The following PHLDB1 variants were observed in gnomAD, a reference collection of about 807,000 sequenced individuals.
PHLDB1 encodes the protein pleckstrin homology like domain family B member 1.
In PHLDB1, 65 loss-of-function variants were observed where a neutral mutation model predicts 139.3. That is an observed-to-expected ratio of 0.47 (90% CI 0.38 to 0.57). The LOEUF is 0.57. Among genes scored for constraint, PHLDB1 ranks in the 20% least tolerant of loss-of-function variants. The pLI, the probability that PHLDB1 is intolerant of heterozygous loss-of-function variation, is 0.00. For synonymous variants in PHLDB1, 679 were observed against 734.5 expected (o/e 0.92, Z 1.22); for missense variants, 1,624 against 1,839.7 (o/e 0.88, Z 2.14).
intron 12 of PHLDB1, 51 bp downstream of exon 12, chr11:118,639,302 G>C (rs534535378): frequency 2.2e-6 from 3 of 1,384,498 alleles, no homozygotes; most frequent in Non-Finnish European, 3.1e-6. Flanking sequence ...TGTCCTGGGA[G>C]GCTCTGAGTA....
chr11:118,633,350 C>G (rs1428912196), intron 9 of PHLDB1: 1 of 152,202 alleles, frequency 6.6e-6, no homozygotes, highest in Non-Finnish European at 1.5e-5. Context: ...GGGGGAAATG[C>G]TTGGCTGTGG....
Position 118,628,348 on chromosome 11 carries a change from C to T in PHLDB1, c.1525C>T (p.Leu509=). ...GASPEDFSLT[L]GARGRRTRSP... ...TTCACCAGAGGACTTCTCCCTGACG[C>T]TGGGGGCACGGGGCCGTAGGACACG... is the stretch of plus-strand genomic sequence containing the variant. The change falls in exon 6 of 23, where the codon CTG becomes TTG. Residue 509 remains leucine (L), a synonymous_variant. Transcript: ENST00000600882. The T allele has an allele frequency of 1.2e-6, 2 of 1,612,256 alleles. No homozygotes were observed. Among genetic ancestry groups the T allele is most frequent in the Non-Finnish European group, 1.7e-6 (2 of 1,179,252 alleles).
chr11:118,645,316 G>T lies in PHLDB1; in HGVS notation c.3122-40G>T. 2.7e-6 allele frequency: 4 copies of T among 1,475,446 alleles called. No homozygotes were observed. Among genetic ancestry groups the T allele is most frequent in the Non-Finnish European group, 2.7e-6 (3 of 1,103,808 alleles). The allele number at this position is 1,475,446 out of a possible 1,614,324, so 91.4% of individuals were successfully genotyped here. A position where few individuals can be genotyped will look rare whatever the true frequency, so the allele number is the denominator to read the frequency against. ...TGCCAGTGGCCTGCTCCTTAGCTGC[G>T]TGGGGAGCCCACTGTGACTCCCATC... On this transcript the variant is annotated intron_variant, in intron 15 of 22. Coordinates refer to ENST00000600882, the MANE Select transcript of PHLDB1 (RefSeq NM_001144758.3). The surrounding 1 kb of genome is among the most constrained non-coding windows in gnomAD (Gnocchi z 5.1).
rs1346273448 is a variant in PHLDB1 at position 118,628,195 on chromosome 11, C to T, written c.1372C>T (p.Pro458Ser). ...RRGLDSMREL[P>S]PLSPSLSRRA... The stretch of plus-strand genomic sequence containing the variant: ...GGGCCTGGACAGTATGCGAGAACTA[C>T]CCCCCTTAAGTCCATCTCTGTCCCG... The change falls in exon 6 of 23, where the codon CCC (proline) becomes TCC (serine). Residue 458 changes from proline (P) to serine (S), a missense_variant. Physicochemically the swap from Pro to Ser is moderately conservative, Grantham distance 74. Transcript: ENST00000600882. 6.2e-7 allele frequency: 1 copy of T among 1,613,876 alleles called. No individual in the cohort carries two copies. Among genetic ancestry groups the T allele is most frequent in the Non-Finnish European group, 8.5e-7 (1 of 1,179,938 alleles).
Position 118,627,587 on chromosome 11 carries a change from T to C in PHLDB1, c.764T>C (p.Phe255Ser). The C allele has an allele frequency of 6.2e-7, 1 of 1,613,790 alleles. No individual in the cohort carries two copies. The highest frequency in any genetic ancestry group is 8.5e-7 in the Non-Finnish European group (1 of 1,179,996). ...AGCTATGAGAACACCTCTCCAGCCTTCTCTCCACTCTCTTCACCAGCCAGC... is the reference window on the plus strand; with the variant it reads ...AGCTATGAGAACACCTCTCCAGCCTCCTCTCCACTCTCTTCACCAGCCAGC... Reference protein sequence around the residue: ...GSSYENTSPAFSPLSSPASSG... With the variant: ...GSSYENTSPASSPLSSPASSG... The change falls in exon 6 of 23, where the codon TTC becomes TCC. Residue 255 changes from phenylalanine to serine, a missense_variant. Phe to Ser is a radical substitution (Grantham distance 155, BLOSUM62 -2). Coordinates refer to ENST00000600882, the MANE Select transcript of PHLDB1 (RefSeq NM_001144758.3).
chr11:118,627,198 C>A, intron 5 of PHLDB1, 107 bp from the exon 6 acceptor site: 1 of 1,146,410 alleles, frequency 8.7e-7, no homozygotes, highest in South Asian at 1.4e-5. Flanking sequence ...CTGGCTTCTT[C>A]TCCAGAGCCT....
rs1940241998 is a variant in PHLDB1, at chr11:118,611,264, G to T, written c.-21-2552G>T. On this transcript the variant is annotated intron_variant, in intron 1 of 22. Coordinates refer to ENST00000600882, the MANE Select transcript of PHLDB1 (RefSeq NM_001144758.3). The surrounding 1 kb of genome is among the most constrained non-coding windows in gnomAD (Gnocchi z 4.7). ...TTCTCTTGGATCAGGTTACTGTGCTGGGGCCACAGCCTCGCACCTCCCAAT... is the reference window on the plus strand; with the variant it reads ...TTCTCTTGGATCAGGTTACTGTGCTTGGGCCACAGCCTCGCACCTCCCAAT... Among the ~76,000 whole-genome samples, 1 of 152,304 alleles carries T rather than the reference G, an allele frequency of 6.6e-6. No individual in the cohort carries two copies. The highest frequency in any genetic ancestry group is 6.5e-5 in the Admixed American group (1 of 15,308).
intron 13 of PHLDB1, 32 bp from the exon 14 acceptor site, chr11:118,643,768 A>T: frequency 1.2e-6 from 2 of 1,614,040 alleles, no homozygotes; most frequent in South Asian, 2.2e-5. Flanking sequence ...TGGGGGAGCC[A>T]GGAATCACTG....
chr11:118,642,579 C>T (rs951138107), intron 13 of PHLDB1, among the ~76,000 whole-genome samples, 185 bp downstream of exon 13: 3 of 152,348 alleles, frequency 2.0e-5, no homozygotes, highest in Non-Finnish European at 4.4e-5. Flanking sequence ...TGTGGGCAAC[C>T]GGGGGGCCAG....
At chr11:118,642,432 GCACCTGTC>G (rs782525865) in intron 13 of PHLDB1, 38 bp downstream of exon 13, 21 of 1,592,642 alleles carry the variant, frequency 1.3e-5, no homozygotes, top group Non-Finnish European at 1.8e-5. Context: ...CCCAGCCTTT[GCACCTGTC>G]CACTCTGATA....
Position 118,610,370 on chromosome 11 carries a change from C to T in PHLDB1, c.-22+2671C>T. 3.7e-6 allele frequency: 3 copies of T among 814,740 alleles called. No individual in the cohort carries two copies. Among genetic ancestry groups the T allele is most frequent in the Non-Finnish European group, 4.5e-6 (3 of 673,680 alleles). 50.5% of individuals were successfully genotyped at this position (814,740 alleles called of 1,614,324 possible). A position where few individuals can be genotyped will look rare whatever the true frequency, so the allele number is the denominator to read the frequency against. On this transcript the variant is annotated intron_variant, in intron 1 of 22. Coordinates refer to ENST00000600882, the MANE Select transcript of PHLDB1 (RefSeq NM_001144758.3). This position sits in a 1 kb window ranked among gnomAD's most constrained non-coding sequence, Gnocchi z 8.7. ...TCCCCGCCTCAGTTTCCTTCCCTTC[C>T]TGACTCCTTCCTCTGACGGCGGCCC...
chr11:118,639,546 G>A, intron 12 of PHLDB1: 1 of 501,808 alleles, frequency 2.0e-6, no homozygotes, highest in East Asian at 3.5e-5. Flanking sequence ...CAGCTCAGAG[G>A]CTTGGTAGGG....
rs956359008 is a variant in PHLDB1 at position 118,617,853 on chromosome 11, A to G, written c.355+1642A>G. Among the ~76,000 whole-genome samples the G allele has an allele frequency of 2.0e-5, 3 of 152,118 alleles. No individual in the cohort carries two copies. In the South Asian group the frequency reaches 6.2e-4, roughly 32 times the overall value. ...AACAGTCCTGTTCAGTCTCAGAGAG[A>G]GCATCTTCTCTAAGATTTGGGAGCA... is the stretch of plus-strand genomic sequence containing the variant. On this transcript the variant is annotated intron_variant, in intron 4 of 22. Coordinates refer to ENST00000600882, the MANE Select transcript of PHLDB1 (RefSeq NM_001144758.3).
At chr11:118,641,901 C>T (rs1262920375) in intron 12 of PHLDB1, 3 of 727,728 alleles carry the variant, frequency 4.1e-6, no homozygotes, top group Non-Finnish European at 6.0e-6. Flanking sequence ...GTGCCCAGTG[C>T]CTGCAGGCTC....
At chr11:118,646,120 C>T (rs1373821642) in intron 17 of PHLDB1, among the ~76,000 whole-genome samples, 3 of 151,980 alleles carry the variant, frequency 2.0e-5, no homozygotes, top group Non-Finnish European at 4.4e-5. Context: ...ATTAGCTGGG[C>T]GTGGTGGCAG....
Position 118,632,543 on chromosome 11 carries a change from G to T in PHLDB1, c.2379+247G>T. ...CTGGGTCTGTGTGCTACCTCTGGGT[G>T]CCTGCCATCCTAGGCCCTTTATGGC... On this transcript the variant is annotated intron_variant, in intron 9 of 22. Coordinates refer to ENST00000600882, the MANE Select transcript of PHLDB1 (RefSeq NM_001144758.3). This position sits in a 1 kb window ranked among gnomAD's most constrained non-coding sequence, Gnocchi z 5.9. 1.8e-6 allele frequency: 1 copy of T among 552,924 alleles called. No homozygotes were observed. Among genetic ancestry groups the T allele is most frequent in the Non-Finnish European group, 3.2e-6 (1 of 311,048 alleles). The allele number at this position is 552,924 out of a possible 1,614,324, so 34.3% of individuals were successfully genotyped here. A position where few individuals can be genotyped will look rare whatever the true frequency, so the allele number is the denominator to read the frequency against.
intron 17 of PHLDB1, among the ~76,000 whole-genome samples, chr11:118,646,087 C>T (rs1007324805): frequency 5.9e-5 from 9 of 151,932 alleles, no homozygotes; most frequent in African/African-American, 2.2e-4. Flanking sequence ...GGTGAAACCC[C>T]GTCTCTACTG....
At chr11:118,643,571 C>A (rs1946941198) in intron 13 of PHLDB1, 1 of 985,180 alleles carries the variant, frequency 1.0e-6, no homozygotes, top group Non-Finnish European at 1.2e-6. Context: ...TTTCTTAGAC[C>A]CAGGGTTGGG....
intron 4 of PHLDB1, among the ~76,000 whole-genome samples, chr11:118,622,674 C>T (rs1327845373): frequency 3.9e-5 from 6 of 152,014 alleles, no homozygotes; most frequent in African/African-American, 1.5e-4. Context: ...CTGATCCCTA[C>T]CACCCACGAC....
Sources: allele counts gnomAD v4.1 joint callset (sites outside exome capture counted in the v4.1 genomes callset), GRCh38; gene constraint gnomAD v4.1.1; non-coding constraint Gnocchi (gnomAD v3.1); transcripts MANE v1.5; gene names NCBI Gene and HGNC (gene_info 2026-07-23, HGNC 2026-07-21).